SCAI: variants seen among roughly 807,000 people sequenced by gnomAD.
SCAI encodes the protein suppressor of cancer cell invasion.
Under a neutral mutation model 92.2 loss-of-function variants are expected in SCAI, and 24 were observed. The observed-to-expected ratio is 0.26, with a 90% CI of 0.19 to 0.37. The LOEUF is 0.37. Among genes scored for constraint, SCAI ranks in the 10% least tolerant of loss-of-function variants. The pLI is 1.00. For missense variants in SCAI, 450 were observed against 736.2 expected (o/e 0.61, Z 4.50); for synonymous variants, 261 against 258.6 (o/e 1.01, Z -0.09).
rs1208247925 is a variant in SCAI, at chr9:124,950,598, T to C, written c.*2209A>G. The C allele has an allele frequency of 6.6e-6, 1 of 152,086 alleles. No individual in the cohort carries two copies. The highest frequency in any genetic ancestry group is 1.5e-5 in the Non-Finnish European group (1 of 68,032). The allele number at this position is 152,086 out of a possible 1,614,324, so 9.4% of individuals were successfully genotyped here. On this transcript the variant is annotated 3_prime_UTR_variant, in exon 18 of 18. Coordinates refer to ENST00000336505, the MANE Select transcript of SCAI (RefSeq NM_001144877.3). ...ATTGCTGTAGTTCAATGAACACTGT[T>C]ACTAAAGGAAAGCTATGAAGTTTAT...
chr9:125,141,109 C>T (rs764082104), intron 2 of SCAI, among the ~76,000 whole-genome samples: 15 of 152,066 alleles, frequency 9.9e-5, no homozygotes, highest in Admixed American at 6.6e-5. Flanking sequence ...CATACTTGAA[C>T]GTTTTCCAAT....
chr9:124,993,448 G>A (rs759617629), intron 14 of SCAI, among the ~76,000 whole-genome samples: 18 of 152,132 alleles, frequency 1.2e-4, no homozygotes, highest in Non-Finnish European at 1.8e-4. Context: ...AAATTAGCCG[G>A]GCATAGTGGC....
chr9:125,083,707 C>G lies in SCAI; in HGVS notation c.99-27700G>C, dbSNP rs541848223. On this transcript the variant is annotated intron_variant, in intron 2 of 17. Transcript: ENST00000336505. ...TCACATGGTTAGTTCAATCATTCAA[C>G]AAATATTGAGAGTCTTCTATGTGCC... is the stretch of plus-strand genomic sequence containing the variant. Among the ~76,000 whole-genome samples, 190 of 152,140 alleles carry G rather than the reference C, an allele frequency of 1.2e-3. 1 individual carries two copies. The highest frequency in any genetic ancestry group is 4.3e-3 in the African/African-American group (180 of 41,498).
chr9:125,079,190 T>C (rs1392816294), intron 2 of SCAI, among the ~76,000 whole-genome samples: 1 of 152,240 alleles, frequency 6.6e-6, no homozygotes, highest in African/African-American at 2.4e-5. Context: ...TTTTTGATAT[T>C]ACAGATTTTC....
At chr9:125,137,379 C>T (rs1326985476) in intron 2 of SCAI, among the ~76,000 whole-genome samples, 1 of 152,164 alleles carries the variant, frequency 6.6e-6, no homozygotes, top group Non-Finnish European at 1.5e-5. Flanking sequence ...GATTTGTTCA[C>T]TCAAAAATTC....
At chr9:125,126,376 C>A (rs1182635186) in intron 2 of SCAI, among the ~76,000 whole-genome samples, 1 of 151,260 alleles carries the variant, frequency 6.6e-6, no homozygotes, top group African/African-American at 2.4e-5. Flanking sequence ...GTTAGCCTCC[C>A]CCAAAGTGAG....
intron 3 of SCAI, among the ~76,000 whole-genome samples, chr9:125,033,017 A>G (rs1833113892): frequency 6.6e-6 from 1 of 152,246 alleles, no homozygotes; most frequent in African/African-American, 2.4e-5. Flanking sequence ...TGTAATAGAC[A>G]GAAAATATGA....
chr9:124,990,654 T>A (rs1288087400), intron 14 of SCAI, among the ~76,000 whole-genome samples: 4 of 151,824 alleles, frequency 2.6e-5, no homozygotes, highest in Admixed American at 1.3e-4. Flanking sequence ...GAATCAAGAA[T>A]TATCAATGCC....
At chr9:125,118,658 C>G (rs755078820) in intron 2 of SCAI, among the ~76,000 whole-genome samples, 1 of 152,118 alleles carries the variant, frequency 6.6e-6, no homozygotes, top group African/African-American at 2.4e-5. Flanking sequence ...TTTTAAGCCC[C>G]GTATACATTA....
intron 4 of SCAI, 141 bp downstream of exon 4, chr9:125,029,503 A>G: frequency 2.0e-6 from 1 of 492,414 alleles, no homozygotes; most frequent in South Asian, 4.1e-5. Context: ...TGTTATTTTA[A>G]AAGCACCAAG....
At chr9:124,983,857 AT>A (rs1255844214) in intron 14 of SCAI, among the ~76,000 whole-genome samples, 1 of 152,204 alleles carries the variant, frequency 6.6e-6, no homozygotes, top group Admixed American at 6.5e-5. Context: ...TCTTGGGCAA[AT>A]TACTTAACCT....
intron 3 of SCAI, among the ~76,000 whole-genome samples, chr9:125,051,303 G>A (rs1040805619): frequency 2.0e-5 from 3 of 152,150 alleles, no homozygotes; most frequent in Non-Finnish European, 4.4e-5. Flanking sequence ...GATTACAGGC[G>A]TGAGCTACCA....
chr9:125,120,611 T>C (rs1835138041), intron 2 of SCAI, among the ~76,000 whole-genome samples: 1 of 152,146 alleles, frequency 6.6e-6, no homozygotes, highest in Admixed American at 6.5e-5. Context: ...GAGAATCACT[T>C]GAACCCAGGA....
At chr9:125,136,073 G>C (rs943469308) in intron 2 of SCAI, among the ~76,000 whole-genome samples, 1 of 149,596 alleles carries the variant, frequency 6.7e-6, no homozygotes, top group African/African-American at 2.5e-5. Flanking sequence ...TAGCAGACCC[G>C]TTCAATCAGT....
chr9:124,988,369 G>A (rs1651060685), intron 14 of SCAI, among the ~76,000 whole-genome samples: 1 of 151,934 alleles, frequency 6.6e-6, no homozygotes, highest in Non-Finnish European at 1.5e-5. Flanking sequence ...TAATGAGAAA[G>A]ACAGAGGCAA....
At chr9:125,020,638 G>C (rs765812052) in intron 7 of SCAI, 35 bp downstream of exon 7, 1 of 917,380 alleles carries the variant, frequency 1.1e-6, no homozygotes, top group East Asian at 2.7e-5. Flanking sequence ...TATACAACTA[G>C]AGATTAGAAT....
chr9:125,065,494 T>TA (rs1338335345), intron 2 of SCAI, among the ~76,000 whole-genome samples: 2 of 152,018 alleles, frequency 1.3e-5, no homozygotes, highest in Non-Finnish European at 2.9e-5. Flanking sequence ...GTCAAATTTA[T>TA]AAAAAACATC....
chr9:125,072,362 T>C (rs1833995161), intron 2 of SCAI, among the ~76,000 whole-genome samples: 1 of 152,116 alleles, frequency 6.6e-6, no homozygotes. Flanking sequence ...ATTTCTTCTC[T>C]TACTCAAGTA....
At chr9:125,125,332 T>C (rs1835238789) in intron 2 of SCAI, among the ~76,000 whole-genome samples, 1 of 152,042 alleles carries the variant, frequency 6.6e-6, no homozygotes, top group African/African-American at 2.4e-5. Context: ...GGATCCAGAC[T>C]AGGCTGGCCA....
Sources: gnomAD v4.1 joint callset for allele counts (sites outside exome capture counted in the v4.1 genomes callset) on GRCh38, gnomAD v4.1.1 for gene constraint, MANE v1.5 for transcripts, NCBI Gene and HGNC (gene_info 2026-07-23, HGNC 2026-07-21) for gene names.